Variants in DYNC1I1 observed in about 807,000 individuals in gnomAD.
DYNC1I1 encodes the protein cytoplasmic dynein 1 intermediate chain 1.
A neutral mutation model predicts 86.6 loss-of-function variants in DYNC1I1; 43 were observed. The ratio of observed to expected loss-of-function variants is 0.50; its 90% CI spans 0.39 to 0.64. DYNC1I1 has a LOEUF of 0.64. DYNC1I1 is among the 30% of genes least tolerant of loss of function. The pLI, the probability that DYNC1I1 is intolerant of heterozygous loss-of-function variation, is 0.00. For missense variants in DYNC1I1, 604 were observed against 788.8 expected (o/e 0.77, Z 2.81); for synonymous variants, 262 against 283.7 (o/e 0.92, Z 0.77).
At chr7:95,899,447 C>T (rs111567644) in intron 6 of DYNC1I1, among the ~76,000 whole-genome samples, 11 of 152,180 alleles carry the variant, frequency 7.2e-5, no homozygotes, top group African/African-American at 9.6e-5. Flanking sequence ...CAGAGGTCAG[C>T]GTTTCCCCAT....
chr7:95,846,625 C>CTGTGTGTGTGTGTGTGTGTGTG (rs1461596857), intron 5 of DYNC1I1, among the ~76,000 whole-genome samples: 21 of 132,784 alleles, frequency 1.6e-4, no homozygotes, highest in South Asian at 2.6e-4. Context: ...AAATCTCTCT[C>CTGTGTGTGTGTGTGTGTGTGTG]TCTGTGTGTG....
intron 6 of DYNC1I1, among the ~76,000 whole-genome samples, chr7:95,911,296 A>C (rs1791328269): frequency 6.6e-6 from 1 of 152,164 alleles, no homozygotes; most frequent in Admixed American, 6.5e-5. Flanking sequence ...GTAAGTCATG[A>C]TGGCGAGGAG....
intron 4 of DYNC1I1, among the ~76,000 whole-genome samples, chr7:95,813,759 CA>C (rs1442210542): frequency 6.6e-6 from 1 of 152,020 alleles, no homozygotes; most frequent in Non-Finnish European, 1.5e-5. Context: ...TTTAATTTTT[CA>C]AGTGAGTTAT....
At chr7:95,985,953 T>A in intron 8 of DYNC1I1, among the ~76,000 whole-genome samples, 1 of 151,930 alleles carries the variant, frequency 6.6e-6, no homozygotes, top group East Asian at 1.9e-4. Flanking sequence ...TTTCTATGAC[T>A]TTCTTGATTT....
intron 6 of DYNC1I1, among the ~76,000 whole-genome samples, chr7:95,897,398 C>T (rs1790910348): frequency 6.6e-6 from 1 of 152,118 alleles, no homozygotes; most frequent in African/African-American, 2.4e-5. Flanking sequence ...TCCCTGCCCC[C>T]CAGACAGTGT....
At chr7:96,035,589 T>A in intron 12 of DYNC1I1, 30 bp from the exon 13 acceptor site, 1 of 1,550,516 alleles carries the variant, frequency 6.4e-7, no homozygotes, top group Non-Finnish European at 8.7e-7. Flanking sequence ...AGTTGACAGA[T>A]GGAAATGTAA....
chr7:95,969,548 T>C (rs993457957), intron 6 of DYNC1I1, among the ~76,000 whole-genome samples: 11 of 152,320 alleles, frequency 7.2e-5, no homozygotes, highest in Middle Eastern at 6.8e-3. Flanking sequence ...AGGTCCTTGT[T>C]CTCTTCCTCA....
At chr7:96,090,466 A>G (rs1437533235) in intron 16 of DYNC1I1, among the ~76,000 whole-genome samples, 1 of 152,062 alleles carries the variant, frequency 6.6e-6, no homozygotes, top group East Asian at 1.9e-4. Context: ...TTTATGTCCT[A>G]CTTTTATTTC....
downstream of DYNC1I1, among the ~76,000 whole-genome samples, chr7:96,099,392 G>T (rs1791093127): frequency 1.3e-5 from 2 of 152,188 alleles, no homozygotes; most frequent in African/African-American, 2.4e-5. Flanking sequence ...ATGCTACATG[G>T]TTTCCATTAT....
chr7:95,992,844 A>G (rs1793765672), intron 9 of DYNC1I1, among the ~76,000 whole-genome samples: 1 of 152,034 alleles, frequency 6.6e-6, no homozygotes. Flanking sequence ...CAAACTCCTG[A>G]CCTCAAGTGA....
At chr7:96,042,235 T>G (rs1789073354) in intron 14 of DYNC1I1, among the ~76,000 whole-genome samples, 2 of 152,174 alleles carry the variant, frequency 1.3e-5, no homozygotes, top group Admixed American at 1.3e-4. Flanking sequence ...GATTATCAGC[T>G]TGGTTGAAAG....
chr7:96,079,706 A>C (rs576104155), intron 15 of DYNC1I1, among the ~76,000 whole-genome samples: 11 of 152,156 alleles, frequency 7.2e-5, no homozygotes, highest in Non-Finnish European at 1.3e-4. Flanking sequence ...AGACAGTGCC[A>C]AAGTTGTGGA....
chr7:96,103,743 G>C (rs1791171834), intron 16 of DYNC1I1, among the ~76,000 whole-genome samples: 1 of 152,050 alleles, frequency 6.6e-6, no homozygotes, highest in South Asian at 2.1e-4. Flanking sequence ...CTCCTGAGTA[G>C]CTGGGATTAC....
intron 16 of DYNC1I1, among the ~76,000 whole-genome samples, chr7:96,091,109 C>G (rs1040394096): frequency 6.6e-6 from 1 of 152,098 alleles, no homozygotes; most frequent in Non-Finnish European, 1.5e-5. Flanking sequence ...TATTTGTATA[C>G]CAGTAAGTCA....
chr7:96,077,239 T>TGTG (rs1790368032), intron 15 of DYNC1I1, among the ~76,000 whole-genome samples: 15 of 144,538 alleles, frequency 1.0e-4, no homozygotes, highest in Middle Eastern at 3.5e-3. Flanking sequence ...TCCCTAGTAT[T>TGTG]TGTGTGTGTG....
chr7:95,803,995 TTA>T (rs1247984972), intron 1 of DYNC1I1, among the ~76,000 whole-genome samples: 1 of 152,178 alleles, frequency 6.6e-6, no homozygotes, highest in Non-Finnish European at 1.5e-5. Flanking sequence ...TGCCATGGTG[TTA>T]TCTCCCGTTT....
chr7:96,100,354 C>CCTTT, downstream of DYNC1I1, among the ~76,000 whole-genome samples: 1 of 149,822 alleles, frequency 6.7e-6, no homozygotes, highest in South Asian at 2.1e-4. Context: ...TTCCTTCCTT[C>CCTTT]CTTTCCTTCC....
intron 6 of DYNC1I1, among the ~76,000 whole-genome samples, chr7:95,932,843 T>G (rs1791934752): frequency 6.6e-6 from 1 of 152,064 alleles, no homozygotes. Flanking sequence ...ATTTTAAAGT[T>G]TTCTAGTTTG....
At chr7:96,063,109 G>A (rs28448661) in intron 14 of DYNC1I1, among the ~76,000 whole-genome samples, 82 of 124,130 alleles carry the variant, frequency 6.6e-4, no homozygotes, top group African/African-American at 2.5e-3. Context: ...GTATATATAT[G>A]TGTGTGTGTG....
Sources: allele counts gnomAD v4.1 joint callset (sites outside exome capture counted in the v4.1 genomes callset), GRCh38; gene constraint gnomAD v4.1.1; transcripts MANE v1.5; gene names NCBI Gene and HGNC (gene_info 2026-07-23, HGNC 2026-07-21).